The following NSD2 variants were observed in gnomAD, a reference collection of about 807,000 sequenced individuals.
The protein encoded by NSD2 is histone-lysine N-methyltransferase NSD2.
NSD2 carries 12 observed loss-of-function variants against 139.0 expected under a neutral mutation model. That is an observed-to-expected ratio of 0.09 (90% CI 0.06 to 0.14). The LOEUF (loss-of-function observed/expected upper bound fraction) is 0.14, where lower values mean the gene tolerates loss of function less well. Among genes scored for constraint, NSD2 ranks in the 10% least tolerant of loss-of-function variants. The probability of loss-of-function intolerance (pLI) is 1.00; values close to 1 mark genes in which losing one functional copy is unlikely to be tolerated. For synonymous variants in NSD2, 669 were observed against 648.7 expected (o/e 1.03, Z -0.48); for missense variants, 1,155 against 1,745.0 (o/e 0.66, Z 6.02).
At chr4:1,934,553 AAATTAT>A (rs1222233277) in intron 6 of NSD2, among the ~76,000 whole-genome samples, 1 of 151,562 alleles carries the variant, frequency 6.6e-6, no homozygotes, top group Admixed American at 6.6e-5. Context: ...TTAATACATT[AAATTAT>A]AATTATAAGG....
chr4:1,893,625 C>G (rs930837528), intron 1 of NSD2: 5 of 146,642 alleles, frequency 3.4e-5, no homozygotes, highest in Admixed American at 6.9e-5. Context: ...TTTCTTGGCT[C>G]TCTGCAATCT....
chr4:1,920,095 A>G (rs1409209448), intron 5 of NSD2, among the ~76,000 whole-genome samples: 1 of 152,192 alleles, frequency 6.6e-6, no homozygotes, highest in South Asian at 2.1e-4. Context: ...TCTACTGGAC[A>G]TGATTTTTTT....
chr4:1,884,103 T>C (rs1234433398), intron 1 of NSD2, among the ~76,000 whole-genome samples: 2 of 152,160 alleles, frequency 1.3e-5, no homozygotes, highest in Non-Finnish European at 2.9e-5. Flanking sequence ...CTCCCTTTTT[T>C]TGTCGGGGAG....
At chr4:1,880,096 AT>A (rs1314802486) in intron 1 of NSD2, among the ~76,000 whole-genome samples, 1 of 152,112 alleles carries the variant, frequency 6.6e-6, no homozygotes, top group Non-Finnish European at 1.5e-5. Context: ...GAATTTCTAG[AT>A]TTTTGGTTAA....
At chr4:1,938,422 T>C (rs769461311) in intron 7 of NSD2, 29 bp from the exon 8 acceptor site, 41 of 1,090,684 alleles carry the variant, frequency 3.8e-5, no homozygotes, top group African/African-American at 2.1e-4. Context: ...CTTTCTTTTT[T>C]TTTTTTTTTT....
intron 18 of NSD2, among the ~76,000 whole-genome samples, chr4:1,961,488 G>A (rs977054646): frequency 1.3e-5 from 2 of 152,180 alleles, no homozygotes; most frequent in South Asian, 2.1e-4. Flanking sequence ...AAAAGTGATT[G>A]TATTTTATTT....
chr4:1,929,437 C>T (rs982624671), intron 5 of NSD2, among the ~76,000 whole-genome samples: 1 of 152,138 alleles, frequency 6.6e-6, no homozygotes. Context: ...ACAGTGCCTT[C>T]ACTTGCCGAA....
chr4:1,929,466 T>C (rs937873875), intron 5 of NSD2, among the ~76,000 whole-genome samples: 14 of 151,990 alleles, frequency 9.2e-5, no homozygotes, highest in African/African-American at 3.4e-4. Context: ...AACTACCCAG[T>C]AGAGGAGCCA....
intron 1 of NSD2, among the ~76,000 whole-genome samples, chr4:1,891,364 C>T (rs555746781): frequency 3.3e-5 from 5 of 152,280 alleles, no homozygotes; most frequent in South Asian, 4.1e-4. Flanking sequence ...TTTCCGCCCC[C>T]GGAGGAATGG....
chr4:1,940,452 T>TG, intron 9 of NSD2: 1 of 1,063,500 alleles, frequency 9.4e-7, no homozygotes, highest in Non-Finnish European at 1.1e-6. Flanking sequence ...TTATCAAACC[T>TG]AAATTTTTTG....
At chr4:1,937,245 G>A (rs530130823) in intron 7 of NSD2, among the ~76,000 whole-genome samples, 1 of 151,998 alleles carries the variant, frequency 6.6e-6, no homozygotes, top group South Asian at 2.1e-4. Context: ...GTAGAGATGG[G>A]GTTTCACCAT....
rs943662685 is a variant in NSD2, at chr4:1,981,482, G to T, written c.*2573G>T. 1.9e-4 allele frequency: 47 copies of T among 248,410 alleles called. No individual in the cohort carries two copies. Among genetic ancestry groups the T allele is most frequent in the African/African-American group, 8.7e-4 (40 of 45,920 alleles). 15.4% of individuals were successfully genotyped at this position (248,410 alleles called of 1,614,324 possible). The stretch of plus-strand genomic sequence containing the variant: ...CACAAAAACCGCCCCAATCCCTCAG[G>T]ATTCCTTGGCATCCGAAACCAGCAT... On this transcript the variant is annotated 3_prime_UTR_variant, in exon 22 of 22. Coordinates refer to ENST00000508803, the MANE Select transcript of NSD2 (RefSeq NM_001042424.3).
intron 11 of NSD2, 43 bp downstream of exon 11, chr4:1,952,274 C>A (rs772469224): frequency 1.1e-5 from 17 of 1,608,694 alleles, no homozygotes; most frequent in Non-Finnish European, 1.4e-5. Context: ...TGGCCGGCCA[C>A]CTGCTCCTGC....
intron 9 of NSD2, among the ~76,000 whole-genome samples, chr4:1,950,600 A>T (rs1724110991): frequency 6.6e-6 from 1 of 152,194 alleles, no homozygotes; most frequent in Non-Finnish European, 1.5e-5. Flanking sequence ...CGGCAGCTGG[A>T]CTGCACGGTC....
rs2108804148 is a variant in NSD2 at position 1,918,190 on chromosome 4, T to C, written c.977T>C (p.Ile326Thr). ...GKLRAQWEMGIVQAEEAASMS... is the reference protein window; with the variant it reads ...GKLRAQWEMGTVQAEEAASMS... ...TTGAGGGCCCAGTGGGAAATGGGCA[T>C]TGTTCAAGCAGAAGAAGCTGCAAGC... The change falls in exon 5 of 22, where the codon ATT becomes ACT. Residue 326 changes from isoleucine to threonine, a missense_variant. By Grantham distance (89) the Ile-to-Thr change is moderately conservative. Coordinates refer to ENST00000508803, the MANE Select transcript of NSD2 (RefSeq NM_001042424.3). 1 of 1,613,370 alleles carries C rather than the reference T, an allele frequency of 6.2e-7. No individual in the cohort carries two copies. Among genetic ancestry groups the C allele is most frequent in the South Asian group, 1.1e-5 (1 of 91,064 alleles).
chr4:1,909,525 G>A (rs936739228), intron 3 of NSD2, among the ~76,000 whole-genome samples: 18 of 152,136 alleles, frequency 1.2e-4, no homozygotes, highest in Non-Finnish European at 2.4e-4. Flanking sequence ...GGTGAGTGTC[G>A]TTGTTTTGGA....
chr4:1,975,482 C>T (rs767624559), intron 20 of NSD2, 82 bp downstream of exon 20: 78 of 1,279,888 alleles, frequency 6.1e-5, no homozygotes, highest in South Asian at 7.5e-5. Flanking sequence ...CCGTGAACAG[C>T]GGCTTCCTCC....
intron 1 of NSD2, among the ~76,000 whole-genome samples, chr4:1,886,753 G>A (rs763371145): frequency 9.9e-5 from 15 of 151,974 alleles, no homozygotes; most frequent in East Asian, 1.9e-4. Context: ...CAGGGTACTC[G>A]CTTGAACCTG....
chr4:1,925,773 T>TATATA lies in NSD2; in HGVS notation c.1411-4853_1411-4852insATATA, dbSNP rs772413927. On this transcript the variant is annotated intron_variant, in intron 5 of 21. Transcript: ENST00000508803. Reference sequence around the variant, plus strand: ...TTCTTTTTATATATCTATATATATATTTTTTTTTGTTTGTTTGTTTGTTTG... The same window carrying TATATA: ...TTCTTTTTATATATCTATATATATATATATATTTTTTTTGTTTGTTTGTTTGTTTG... Among the ~76,000 whole-genome samples, 983 of 140,602 alleles carry TATATA rather than the reference T, an allele frequency of 7.0e-3. 12 individuals are homozygous for TATATA. Among genetic ancestry groups the TATATA allele is most frequent in the African/African-American group, 0.026 (939 of 35,746 alleles). 92.2% of individuals were successfully genotyped at this position (140,602 alleles called of 152,430 possible). A position where few individuals can be genotyped will look rare whatever the true frequency, so the allele number is the denominator to read the frequency against.
Sources: gnomAD v4.1 joint callset for allele counts (sites outside exome capture counted in the v4.1 genomes callset) on GRCh38, gnomAD v4.1.1 for gene constraint, MANE v1.5 for transcripts, NCBI Gene and HGNC (gene_info 2026-07-23, HGNC 2026-07-21) for gene names.